The following DOCK1 variants were observed in gnomAD, a reference collection of about 807,000 sequenced individuals.
DOCK1 encodes dedicator of cytokinesis 1.
A neutral mutation model predicts 262.7 loss-of-function variants in DOCK1; 138 were observed. That is an observed-to-expected ratio of 0.53 (90% CI 0.46 to 0.61). The LOEUF (loss-of-function observed/expected upper bound fraction) is 0.61. Ranked by LOEUF, DOCK1 falls within the 20% of genes least tolerant of loss-of-function variation. The pLI, the probability that DOCK1 is intolerant of heterozygous loss-of-function variation, is 0.00. For synonymous variants in DOCK1, 866 were observed against 867.4 expected (o/e 1.00, Z 0.03); for missense variants, 1,908 against 2,370.7 (o/e 0.80, Z 4.05).
At chr10:127,029,007 T>G (rs2043064085) in intron 16 of DOCK1, among the ~76,000 whole-genome samples, 1 of 152,230 alleles carries the variant, frequency 6.6e-6, no homozygotes, top group Non-Finnish European at 1.5e-5. Context: ...TTTAACAAGC[T>G]CATTCTCTCT....
chr10:127,444,051 C>G, intron 49 of DOCK1, 75 bp from the exon 50 acceptor site: 1 of 1,531,264 alleles, frequency 6.5e-7, no homozygotes, highest in Middle Eastern at 1.7e-4. Context: ...AGGACTTCAA[C>G]ATAGGAATTT....
At chr10:126,906,690 C>T (rs1453629666) in intron 1 of DOCK1, among the ~76,000 whole-genome samples, 3 of 152,346 alleles carry the variant, frequency 2.0e-5, no homozygotes, top group South Asian at 2.1e-4. Context: ...ACCTGCCCGA[C>T]CCTCTGCTGG....
intron 27 of DOCK1, among the ~76,000 whole-genome samples, chr10:127,231,442 T>G (rs187135743): frequency 3.9e-5 from 6 of 152,088 alleles, no homozygotes; most frequent in Admixed American, 3.9e-4. Context: ...TATTTTGAGG[T>G]GAGGTCTCTC....
At chr10:126,998,653 T>C (rs2040378792) in intron 8 of DOCK1, 1 of 165,588 alleles carries the variant, frequency 6.0e-6, no homozygotes, top group Admixed American at 5.8e-5. Context: ...GAGTTTTGTC[T>C]TGTTTTTTCT....
rs201701102 is a variant in DOCK1 at position 127,106,261 on chromosome 10, G to A, written c.2476G>A (p.Val826Ile). Residue 826 changes from valine to isoleucine, a missense_variant, in exon 24 of 52, where the codon GTC becomes ATC. Physicochemically the swap from Val to Ile is conservative, Grantham distance 29 (BLOSUM62 3). Coordinates refer to ENST00000623213, the MANE Select transcript of DOCK1 (RefSeq NM_001290223.2). ...GAALKYLPTI[V>I]NDVKLVFDPK... ...AGCACTGAAATACTTACCAACGATC[G>A]TCAACGATGTGAAATTGGTGTTTGA... is the stretch of plus-strand genomic sequence containing the variant. 1.1e-5 allele frequency: 18 copies of A among 1,596,676 alleles called. No individual in the cohort carries two copies. Among genetic ancestry groups the A allele is most frequent in the Admixed American group, 5.2e-5 (3 of 57,878 alleles).
chr10:127,238,322 G>A (rs1252452178), intron 27 of DOCK1, among the ~76,000 whole-genome samples: 1 of 152,132 alleles, frequency 6.6e-6, no homozygotes, highest in East Asian at 1.9e-4. Context: ...TCTACCTAAA[G>A]GCCCATACTA....
At chr10:126,986,589 G>A (rs115175651) in intron 4 of DOCK1, among the ~76,000 whole-genome samples, 1 of 152,122 alleles carries the variant, frequency 6.6e-6, no homozygotes, top group Admixed American at 6.5e-5. Flanking sequence ...TGATGAAAAC[G>A]AGCGCATAAA....
At chr10:127,226,294 C>G (rs887245391) in intron 27 of DOCK1, among the ~76,000 whole-genome samples, 1 of 152,080 alleles carries the variant, frequency 6.6e-6, no homozygotes, top group South Asian at 2.1e-4. Flanking sequence ...CTACCCTACC[C>G]TATCTACAGG....
chr10:126,946,560 T>G (rs1263144230), intron 1 of DOCK1, among the ~76,000 whole-genome samples: 1 of 152,022 alleles, frequency 6.6e-6, no homozygotes, highest in Non-Finnish European at 1.5e-5. Context: ...AAGAAAAAGC[T>G]AACTTTCCAT....
At chr10:126,953,379 A>G (rs902542261) in intron 1 of DOCK1, among the ~76,000 whole-genome samples, 28 of 127,722 alleles carry the variant, frequency 2.2e-4, no homozygotes, top group African/African-American at 7.0e-4. Flanking sequence ...AGTATTTTTC[A>G]TAGTGTTGGT....
chr10:127,197,034 C>T (rs1287310616), intron 27 of DOCK1, among the ~76,000 whole-genome samples: 2 of 152,178 alleles, frequency 1.3e-5, no homozygotes, highest in East Asian at 3.9e-4. Context: ...TGCCTGGCCG[C>T]TCACCTGCGG....
chr10:127,428,901 ATTGAGCCG>A (rs2069046907), intron 47 of DOCK1, among the ~76,000 whole-genome samples: 4 of 93,456 alleles, frequency 4.3e-5, no homozygotes, highest in Admixed American at 1.3e-4. Context: ...TACCGTGTGG[ATTGAGCCG>A]TGTGGATTGG....
intron 38 of DOCK1, among the ~76,000 whole-genome samples, chr10:127,399,285 A>G (rs2067088260): frequency 6.6e-6 from 1 of 152,218 alleles, no homozygotes. Context: ...AGGGTGTTCA[A>G]TCGCAGAGGT....
intron 38 of DOCK1, among the ~76,000 whole-genome samples, chr10:127,395,741 G>T (rs1414807114): frequency 6.6e-6 from 1 of 152,234 alleles, no homozygotes; most frequent in Non-Finnish European, 1.5e-5. Context: ...CATAAAGCCA[G>T]TGGCAGATGG....
intron 23 of DOCK1, among the ~76,000 whole-genome samples, chr10:127,062,239 T>A (rs1254938217): frequency 6.6e-6 from 1 of 152,098 alleles, no homozygotes; most frequent in African/African-American, 2.4e-5. Context: ...GTGCCCGGCC[T>A]TTTTTTAATT....
intron 27 of DOCK1, among the ~76,000 whole-genome samples, chr10:127,243,464 G>C (rs1360563809): frequency 6.6e-6 from 1 of 152,040 alleles, no homozygotes; most frequent in East Asian, 1.9e-4. Flanking sequence ...CCTGTGCCCA[G>C]TTCCACCTGC....
chr10:127,016,224 AG>A (rs1263876735), intron 12 of DOCK1: 1 of 152,200 alleles, frequency 6.6e-6, no homozygotes, highest in Non-Finnish European at 1.5e-5. Flanking sequence ...GGCACATAGT[AG>A]GTGCTCAGTA....
At chr10:127,274,333 A>G (rs1372706967) in intron 29 of DOCK1, among the ~76,000 whole-genome samples, 1 of 152,198 alleles carries the variant, frequency 6.6e-6, no homozygotes, top group Non-Finnish European at 1.5e-5. Flanking sequence ...GGCTGGGCTT[A>G]CGGTGATAGC....
At chr10:127,377,891 C>CA (rs71490127) in intron 35 of DOCK1, among the ~76,000 whole-genome samples, 49,696 of 104,298 alleles carry the variant, frequency 0.48, 10,460 homozygotes, top group Middle Eastern at 0.64. Context: ...GACTCTGTCT[C>CA]AAAAAAAAAA....
Sources: gnomAD v4.1 joint callset for allele counts (sites outside exome capture counted in the v4.1 genomes callset) on GRCh38, gnomAD v4.1.1 for gene constraint, MANE v1.5 for transcripts, NCBI Gene and HGNC (gene_info 2026-07-23, HGNC 2026-07-21) for gene names.